NRCAM: variants seen among roughly 807,000 people sequenced by gnomAD.
The protein encoded by NRCAM is NgCAM-related cell adhesion molecule.
A neutral mutation model predicts 156.5 loss-of-function variants in NRCAM; 83 were observed. That is an observed-to-expected ratio of 0.53 (90% confidence interval 0.44 to 0.64). The LOEUF is 0.64. Ranked by LOEUF, NRCAM falls within the 30% of genes least tolerant of loss-of-function variation. The probability of loss-of-function intolerance (pLI) is 0.00; values close to 1 mark genes in which losing one functional copy is unlikely to be tolerated. For synonymous variants in NRCAM, 538 were observed against 563.9 expected (o/e 0.95, Z 0.65); for missense variants, 1,417 against 1,597.3 (o/e 0.89, Z 1.92).
chr7:108,169,654 T>C (rs1193568739), intron 28 of NRCAM, among the ~76,000 whole-genome samples: 2 of 152,198 alleles, frequency 1.3e-5, no homozygotes, highest in African/African-American at 4.8e-5. Flanking sequence ...GCAAAACTGA[T>C]TACTGAATTA....
chr7:108,170,667 G>A (rs914407299), intron 28 of NRCAM, among the ~76,000 whole-genome samples: 1 of 152,154 alleles, frequency 6.6e-6, no homozygotes, highest in Admixed American at 6.5e-5. Flanking sequence ...TGGCCACCTT[G>A]GGCACATGTC....
At chr7:108,257,569 T>C (rs900461387) in intron 3 of NRCAM, among the ~76,000 whole-genome samples, 2 of 152,198 alleles carry the variant, frequency 1.3e-5, no homozygotes, top group African/African-American at 2.4e-5. Flanking sequence ...TCTAAATGTA[T>C]TATTGAAAGA....
At chr7:108,232,294 A>AAGGG in intron 7 of NRCAM, 32 bp downstream of exon 7, 1 of 1,503,320 alleles carries the variant, frequency 6.7e-7, no homozygotes, top group Middle Eastern at 2.4e-4. Context: ...TACTTTAAAA[A>AAGGG]GGGTCATGTT....
At chr7:108,291,042 C>A (rs1045856329) in intron 3 of NRCAM, among the ~76,000 whole-genome samples, 2 of 152,170 alleles carry the variant, frequency 1.3e-5, no homozygotes, top group South Asian at 2.1e-4. Flanking sequence ...TGGGATTAGT[C>A]ACATTTCCAA....
intron 1 of NRCAM, among the ~76,000 whole-genome samples, chr7:108,405,005 G>T (rs1978197): frequency 1.3e-5 from 2 of 152,218 alleles, no homozygotes; most frequent in South Asian, 4.1e-4. Flanking sequence ...TTTTTTCCTC[G>T]TCCCCTCCGC....
At chr7:108,200,677 C>T (rs1029976880) in intron 13 of NRCAM, among the ~76,000 whole-genome samples, 2 of 150,870 alleles carry the variant, frequency 1.3e-5, no homozygotes, top group Admixed American at 1.3e-4. Flanking sequence ...CAGCACAATT[C>T]GCAATTGCAA....
At chr7:108,280,482 C>T (rs969280202) in intron 3 of NRCAM, among the ~76,000 whole-genome samples, 1 of 152,206 alleles carries the variant, frequency 6.6e-6, no homozygotes, top group African/African-American at 2.4e-5. Flanking sequence ...AATGACTGAA[C>T]TCACAGAATG....
intron 3 of NRCAM, among the ~76,000 whole-genome samples, chr7:108,244,258 A>G (rs2095752549): frequency 2.0e-5 from 3 of 151,856 alleles, no homozygotes; most frequent in South Asian, 4.2e-4. Context: ...CATGATCTAC[A>G]CTCTCCAAGC....
rs535457082 is a variant in NRCAM, at chr7:108,411,276, C to T, written c.-331-11683G>A. On this transcript the variant is annotated intron_variant, in intron 1 of 32. Coordinates refer to ENST00000379028, the MANE Select transcript of NRCAM (RefSeq NM_001037132.4). ...ACCTTTCCTGGGAGATACATTTTGG[C>T]TTTTATTTAAAGGATGATACCCTTA... Among the ~76,000 whole-genome samples, 328 of 152,138 alleles carry T rather than the reference C, an allele frequency of 2.2e-3. 1 individual carries two copies. Among genetic ancestry groups the T allele is most frequent in the Non-Finnish European group, 2.1e-3 (140 of 67,994 alleles).
At chr7:108,322,816 T>C (rs557373667) in intron 2 of NRCAM, among the ~76,000 whole-genome samples, 58 of 152,308 alleles carry the variant, frequency 3.8e-4, no homozygotes, top group Non-Finnish European at 6.9e-4. Context: ...TAAGTTCAAA[T>C]ATAAAGCTGC....
chr7:108,250,441 A>AT (rs1329897933), intron 3 of NRCAM, among the ~76,000 whole-genome samples: 1 of 151,442 alleles, frequency 6.6e-6, no homozygotes, highest in South Asian at 2.1e-4. Flanking sequence ...AAAAAAAAAA[A>AT]AAAAAAAAAG....
At chr7:108,386,261 C>T (rs2099740611) in intron 2 of NRCAM, among the ~76,000 whole-genome samples, 1 of 152,072 alleles carries the variant, frequency 6.6e-6, no homozygotes, top group South Asian at 2.1e-4. Context: ...CAAAACATGC[C>T]AAGGAGAAAA....
chr7:108,342,987 G>A (rs1272150827), intron 2 of NRCAM, among the ~76,000 whole-genome samples: 1 of 152,202 alleles, frequency 6.6e-6, no homozygotes, highest in Non-Finnish European at 1.5e-5. Context: ...ATGAAGAAAA[G>A]ATATAACATA....
intron 3 of NRCAM, among the ~76,000 whole-genome samples, chr7:108,255,179 TG>T (rs1220826157): frequency 3.9e-5 from 4 of 102,006 alleles, no homozygotes; most frequent in African/African-American, 6.7e-5. Flanking sequence ...CTCCCCCCCC[TG>T]CCCCTCCCAC....
At chr7:108,436,544 T>C (rs1260559367) in intron 1 of NRCAM, among the ~76,000 whole-genome samples, 1 of 152,216 alleles carries the variant, frequency 6.6e-6, no homozygotes, top group Non-Finnish European at 1.5e-5. Flanking sequence ...TGAATTTGCA[T>C]TTATTGAAGC....
chr7:108,401,319 T>A (rs1388895701), intron 1 of NRCAM, among the ~76,000 whole-genome samples: 2 of 151,932 alleles, frequency 1.3e-5, no homozygotes, highest in Admixed American at 1.3e-4. Context: ...GGCAGGTGGA[T>A]CACTTGAGCC....
chr7:108,415,844 TGCGCTCCA>T (rs1800903956), intron 1 of NRCAM, among the ~76,000 whole-genome samples: 2 of 152,198 alleles, frequency 1.3e-5, no homozygotes, highest in South Asian at 4.1e-4. Context: ...ATCACGCCAT[TGCGCTCCA>T]GCCTGGGCAG....
At chr7:108,194,229 A>T in intron 16 of NRCAM, 33 bp downstream of exon 16, 1 of 1,610,696 alleles carries the variant, frequency 6.2e-7, no homozygotes, top group Non-Finnish European at 8.5e-7. Flanking sequence ...GTTCAAAGTC[A>T]TTTAAAAATT....
chr7:108,176,275 T>C, intron 27 of NRCAM, 155 bp downstream of exon 27: 1 of 644,304 alleles, frequency 1.6e-6, no homozygotes. Context: ...ATGAACTAAA[T>C]AGCTGATTAT....
Sources: allele counts gnomAD v4.1 joint callset (sites outside exome capture counted in the v4.1 genomes callset), GRCh38; gene constraint gnomAD v4.1.1; transcripts MANE v1.5; gene names NCBI Gene and HGNC (gene_info 2026-07-23, HGNC 2026-07-21).